KPTN: variants seen among roughly 807,000 people sequenced by gnomAD.
KPTN encodes the protein kaptin, actin binding protein.
In KPTN, 36 loss-of-function variants were observed where a neutral mutation model predicts 52.6. The observed-to-expected ratio is 0.68, with a 90% CI of 0.52 to 0.90. The LOEUF (loss-of-function observed/expected upper bound fraction) is 0.90, where lower values mean the gene tolerates loss of function less well. KPTN is among the 40% of genes least tolerant of loss of function. KPTN has a pLI of 0.00. For missense variants in KPTN, 529 were observed against 576.2 expected (o/e 0.92, Z 0.84); for synonymous variants, 271 against 248.4 (o/e 1.09, Z -0.85).
chr19:47,479,341 A>T (rs879867849), intron 8 of KPTN, among the ~76,000 whole-genome samples: 20 of 152,318 alleles, frequency 1.3e-4, no homozygotes, highest in Admixed American at 7.2e-4. Flanking sequence ...AAACTTTTTT[A>T]AAAAAGCAAA....
At position 47,476,726 on chromosome 19, in the gene KPTN, A is replaced by G; in HGVS notation, c.1000-12T>C. On this transcript the variant is annotated splice_polypyrimidine_tract_variant and intron_variant, in intron 10 of 11. Coordinates refer to ENST00000338134, the MANE Select transcript of KPTN (RefSeq NM_007059.4). ...TAACACAGCAGTTCCTGCGGGGGTG[A>G]AGAATCAGGTCACACAGGTTGATGG... 1 of 1,609,134 alleles carries G rather than the reference A, an allele frequency of 6.2e-7. No homozygotes were observed.
Position 47,479,968 on chromosome 19 carries a change from C to G in KPTN, c.710-28G>C, listed in dbSNP as rs751628455. 5 of 1,581,782 alleles carry G rather than the reference C, an allele frequency of 3.2e-6. No homozygotes were observed. The South Asian group carries it at 3.4e-5, about 11-fold the overall frequency. ...GCGTGGAGAGCGAGGATTCAGAGCCCCAACCCCACCCCGGTCCCGCCCGCA... is the reference window on the plus strand; with the variant it reads ...GCGTGGAGAGCGAGGATTCAGAGCCGCAACCCCACCCCGGTCCCGCCCGCA... On this transcript the variant is annotated intron_variant, in intron 7 of 11. Transcript: ENST00000338134.
rs1016772370 is a variant in KPTN, at chr19:47,475,202, A to G, written c.*214T>C. The G allele has an allele frequency of 4.2e-6, 2 of 474,980 alleles. No homozygotes were observed. The highest frequency in any genetic ancestry group is 7.7e-6 in the Non-Finnish European group (2 of 260,848). 29.4% of individuals were successfully genotyped at this position (474,980 alleles called of 1,614,324 possible). ...CATCAGGTGGCCAATTCTCATCCAGAGTGGACAGGGTGGAATGGGATCATC... is the reference window on the plus strand; with the variant it reads ...CATCAGGTGGCCAATTCTCATCCAGGGTGGACAGGGTGGAATGGGATCATC... On this transcript the variant is annotated 3_prime_UTR_variant, in exon 12 of 12. Transcript: ENST00000338134.
intron 4 of KPTN, among the ~76,000 whole-genome samples, chr19:47,482,289 G>A (rs551210971): frequency 6.6e-6 from 1 of 152,234 alleles, no homozygotes; most frequent in Admixed American, 6.5e-5. Context: ...AGGAGTTCGA[G>A]ACTAGCCTGG....
Position 47,476,234 on chromosome 19 carries a change from G to A in KPTN, c.1182+298C>T, listed in dbSNP as rs150802164. Reference sequence around the variant, plus strand: ...TGAGGCATGAGAATTGTTTGAACCTGGGAGGTGGAGGTTGCAGTGAGCTGA... The same window carrying A: ...TGAGGCATGAGAATTGTTTGAACCTAGGAGGTGGAGGTTGCAGTGAGCTGA... On this transcript the variant is annotated intron_variant, in intron 11 of 11. Transcript: ENST00000338134. The A allele has an allele frequency of 4.5e-3, 931 of 206,666 alleles. 13 individuals carry two copies. Among genetic ancestry groups the A allele is most frequent in the African/African-American group, 0.021 (881 of 41,626 alleles). The allele number at this position is 206,666 out of a possible 1,614,324, so 12.8% of individuals were successfully genotyped here. A position where few individuals can be genotyped will look rare whatever the true frequency, so the allele number is the denominator to read the frequency against.
chr19:47,485,244 A>G (rs149678678), upstream of KPTN, among the ~76,000 whole-genome samples: 551 of 152,262 alleles, frequency 3.6e-3, 1 homozygote, highest in Middle Eastern at 6.8e-3. Flanking sequence ...GTCCTTTGCA[A>G]ATCTGTCTCA....
In KPTN at chr19:47,475,440, C is replaced by T; in HGVS notation, c.1287G>A (p.Gly429=). 6.2e-7 allele frequency: 1 copy of T among 1,612,998 alleles called. No homozygotes were observed. The highest frequency in any genetic ancestry group is 8.5e-7 in the Non-Finnish European group (1 of 1,179,282). Residue 429 remains glycine, a synonymous_variant, in exon 12 of 12, where the codon GGG becomes GGA. Transcript: ENST00000338134. ...CTTAAGAGGCTGCATTCTCAGCAGG[C>T]CCTGCACCTGCCCCGTCCTCCAACC... ...LQGLEDGAGA[G]PAENAAS is the part of the protein sequence containing the mutation.
upstream of KPTN, chr19:47,484,491 AACTT>A (rs1968012453): frequency 2.6e-6 from 1 of 385,590 alleles, no homozygotes; most frequent in South Asian, 4.5e-5. Flanking sequence ...ATCATCATAA[AACTT>A]AATATTGCCC....
chr19:47,484,706 ATTT>A (rs35425298), upstream of KPTN, among the ~76,000 whole-genome samples: 7 of 129,118 alleles, frequency 5.4e-5, no homozygotes, highest in Admixed American at 8.1e-5. Context: ...ACAGTTCACT[ATTT>A]TTTTTTTTTT....
At position 47,475,356 on chromosome 19, in the gene KPTN, G is replaced by A. The variant is rs147203632; in HGVS notation, c.*60C>T. On this transcript the variant is annotated 3_prime_UTR_variant, in exon 12 of 12. Transcript: ENST00000338134. ...GTCCTTCAGGACACCCCCCACCAGC[G>A]GCTGGAGGTGAGCACGCCATGAGTC... The A allele has an allele frequency of 2.2e-5, 34 of 1,579,826 alleles. No individual in the cohort carries two copies. Among genetic ancestry groups the A allele is most frequent in the Non-Finnish European group, 2.8e-5 (32 of 1,159,564 alleles).
Position 47,476,624 on chromosome 19 carries a change from T to C in KPTN, c.1090A>G (p.Ser364Gly). 1 of 1,612,672 alleles carries C rather than the reference T, an allele frequency of 6.2e-7. No homozygotes were observed. Among genetic ancestry groups the C allele is most frequent in the Non-Finnish European group, 8.5e-7 (1 of 1,179,774 alleles). ...FHLLWQRSFS[S>G]PLLAMAHVDL... Reference sequence around the variant, plus strand: ...ACGTGAGCCATGGCCAGCAGGGGACTGGAGAAGCTCCGCTGCCACAGCAGA... The same window carrying C: ...ACGTGAGCCATGGCCAGCAGGGGACCGGAGAAGCTCCGCTGCCACAGCAGA... Residue 364 changes from serine (S) to glycine (G), a missense_variant, in exon 11 of 12, where the codon AGT (serine) becomes GGT (glycine). Physicochemically the swap from Ser to Gly is moderately conservative, Grantham distance 56. Transcript: ENST00000338134.
At position 47,476,600 on chromosome 19, in the gene KPTN, C is replaced by T. The variant is rs765429417; in HGVS notation, c.1114G>A (p.Val372Met). The T allele has an allele frequency of 8.7e-6, 14 of 1,612,382 alleles. No homozygotes were observed. The East Asian group carries it at 9.0e-5, about 10-fold the overall frequency. The change falls in exon 11 of 12, where the codon GTG (valine) becomes ATG (methionine). Residue 372 changes from valine to methionine, a missense_variant. Transcript: ENST00000338134. ...FSSPLLAMAHVDLTGDGLQEL... is the reference protein window; with the variant it reads ...FSSPLLAMAHMDLTGDGLQEL... ...TGCAGCCCATCCCCGGTCAGGTCCA[C>T]GTGAGCCATGGCCAGCAGGGGACTG...
At chr19:47,477,849 CA>C in intron 8 of KPTN, 68 bp from the exon 9 acceptor site, 1 of 1,121,920 alleles carries the variant, frequency 8.9e-7, no homozygotes, top group Non-Finnish European at 1.3e-6. Flanking sequence ...CAGCTGAGGT[CA>C]GGAGTTCGAG....
Position 47,481,071 on chromosome 19 carries a change from T to G in KPTN, c.450-38A>C, listed in dbSNP as rs745792053. 18 of 1,505,132 alleles carry G rather than the reference T, an allele frequency of 1.2e-5. No homozygotes were observed. The East Asian group carries it at 4.1e-4, about 34-fold the overall frequency. 93.2% of individuals were successfully genotyped at this position (1,505,132 alleles called of 1,614,324 possible). Reference sequence around the variant, plus strand: ...AAATCTAGAACCCAAGGTAGTGGAATCCACATGGTCTGAGAACCAGAACTC... The same window carrying G: ...AAATCTAGAACCCAAGGTAGTGGAAGCCACATGGTCTGAGAACCAGAACTC... On this transcript the variant is annotated intron_variant, in intron 4 of 11. Transcript: ENST00000338134.
In KPTN at chr19:47,476,429, T is replaced by C. The variant is rs1332975282; in HGVS notation, c.1182+103A>G. ...GGGAGTTGTCCTGACTGGTAGGAAC[T>C]GCCTCCCTGAAATGAGTTCCTCCCT... is the stretch of plus-strand genomic sequence containing the variant. On this transcript the variant is annotated intron_variant, in intron 11 of 11. Coordinates refer to ENST00000338134, the MANE Select transcript of KPTN (RefSeq NM_007059.4). The C allele has an allele frequency of 1.5e-5, 13 of 871,726 alleles. No individual in the cohort carries two copies. The South Asian group carries it at 2.4e-4, about 16-fold the overall frequency. 54.0% of individuals were successfully genotyped at this position (871,726 alleles called of 1,614,324 possible). A position where few individuals can be genotyped will look rare whatever the true frequency, so the allele number is the denominator to read the frequency against.
chr19:47,480,753 C>T lies in KPTN; in HGVS notation c.599+7G>A, dbSNP rs775776883. ...TCCCCAGTGGCCTCTTTCGGGGCCT[C>T]TCCTACCTACTGGTCAGGTTCGTCA... is the stretch of plus-strand genomic sequence containing the variant. On this transcript the variant is annotated splice_region_variant and intron_variant, in intron 6 of 11. Coordinates refer to ENST00000338134, the MANE Select transcript of KPTN (RefSeq NM_007059.4). 10 of 1,613,818 alleles carry T rather than the reference C, an allele frequency of 6.2e-6. No homozygotes were observed. The highest frequency in any genetic ancestry group is 8.5e-6 in the Non-Finnish European group (10 of 1,179,862).
chr19:47,476,215 A>T (rs1351580551), intron 11 of KPTN: 1 of 184,558 alleles, frequency 5.4e-6, no homozygotes, highest in African/African-American at 2.4e-5. Context: ...AGGCTGAGGC[A>T]TGAGAATTGT....
At chr19:47,483,125 C>T (rs1265211542) in intron 4 of KPTN, 36 bp downstream of exon 4, 1 of 1,600,368 alleles carries the variant, frequency 6.2e-7, no homozygotes, top group African/African-American at 1.3e-5. Flanking sequence ...TCTACATTTA[C>T]AGTGGAGTGG....
At position 47,484,155 on chromosome 19, in the gene KPTN, C is replaced by T. The variant is rs764333009; in HGVS notation, c.6G>A (p.Met2Ile). ...GCCCCGCGGCCACGGCCGCCTCCCCCATCATGCCCCTCAGTTAAGCACCCT... is the reference window on the plus strand; with the variant it reads ...GCCCCGCGGCCACGGCCGCCTCCCCTATCATGCCCCTCAGTTAAGCACCCT... M[M>I]GEAAVAAGPC... The change falls in exon 1 of 12, where the codon ATG (methionine) becomes ATA (isoleucine). Residue 2 changes from methionine to isoleucine, a missense_variant. Physicochemically the swap from Met to Ile is conservative, Grantham distance 10. Coordinates refer to ENST00000338134, the MANE Select transcript of KPTN (RefSeq NM_007059.4). The T allele has an allele frequency of 2.1e-5, 33 of 1,596,670 alleles. No homozygotes were observed. The East Asian group carries it at 6.3e-4, about 30-fold the overall frequency.
Sources: gnomAD v4.1 joint callset for allele counts (sites outside exome capture counted in the v4.1 genomes callset) on GRCh38, gnomAD v4.1.1 for gene constraint, MANE v1.5 for transcripts, NCBI Gene and HGNC (gene_info 2026-07-23, HGNC 2026-07-21) for gene names.